ZNF254: variants seen among roughly 807,000 people sequenced by gnomAD.
ZNF254 encodes the protein zinc finger protein 254.
A neutral mutation model predicts 12.4 loss-of-function variants in ZNF254; 10 were observed. That is an observed-to-expected ratio of 0.80 (90% CI 0.50 to 1.36). ZNF254 has a LOEUF of 1.36. ZNF254 is among the 40% of genes most tolerant of loss of function. The probability of loss-of-function intolerance (pLI) is 0.00; values close to 1 mark genes in which losing one functional copy is unlikely to be tolerated. For missense variants in ZNF254, 996 were observed against 763.9 expected (o/e 1.30, Z -3.58); for synonymous variants, 305 against 253.4 (o/e 1.20, Z -1.93).
intron 2 of ZNF254, among the ~76,000 whole-genome samples, chr19:24,064,244 C>T (rs903676445): frequency 3.3e-5 from 5 of 152,110 alleles, no homozygotes. Context: ...AAAGCTGAGC[C>T]CAGCTCCTAG....
chr19:24,046,098 G>A (rs1028308451), intron 1 of ZNF254: 11 of 151,896 alleles, frequency 7.2e-5, no homozygotes, highest in Admixed American at 7.2e-4. Context: ...CTTATATAAT[G>A]TCCCCTTTTC....
intron 2 of ZNF254, among the ~76,000 whole-genome samples, chr19:24,067,203 A>T (rs539637055): frequency 1.6e-4 from 24 of 151,840 alleles, no homozygotes; most frequent in Non-Finnish European, 2.8e-4. Context: ...CAACTATTTT[A>T]TGTGACTCTC....
At chr19:24,067,451 C>T (rs1002970602) in intron 2 of ZNF254, among the ~76,000 whole-genome samples, 67 of 152,058 alleles carry the variant, frequency 4.4e-4, no homozygotes, top group African/African-American at 1.6e-3. Context: ...TATCGCTGGG[C>T]CCAGCACATA....
chr19:24,118,063 T>G (rs562601827), intron 3 of ZNF254, among the ~76,000 whole-genome samples: 2 of 151,670 alleles, frequency 1.3e-5, no homozygotes, highest in Non-Finnish European at 2.9e-5. Context: ...TTTTCTTTTT[T>G]TTTTTTTGAA....
At chr19:24,051,857 G>C (rs1970660058) in intron 2 of ZNF254, among the ~76,000 whole-genome samples, 1 of 152,068 alleles carries the variant, frequency 6.6e-6, no homozygotes, top group Admixed American at 6.5e-5. Context: ...TCTGCGAACT[G>C]GGGTGTTTTT....
chr19:24,123,230 C>G (rs1187408476), intron 3 of ZNF254, among the ~76,000 whole-genome samples: 2 of 152,028 alleles, frequency 1.3e-5, no homozygotes, highest in African/African-American at 4.8e-5. Context: ...GTTTTTCTGT[C>G]TTATTGTTTT....
intron 1 of ZNF254, among the ~76,000 whole-genome samples, chr19:24,043,978 C>T (rs571970240): frequency 3.9e-5 from 6 of 152,154 alleles, no homozygotes; most frequent in East Asian, 1.9e-4. Flanking sequence ...TGGTGGCTCA[C>T]GCCTGTAATC....
At chr19:24,041,239 CA>C in intron 1 of ZNF254, among the ~76,000 whole-genome samples, 1 of 152,382 alleles carries the variant, frequency 6.6e-6, no homozygotes, top group Middle Eastern at 3.4e-3. Context: ...TCAGGCCCCC[CA>C]CTGCACTTGG....
chr19:24,049,235 TATTTATTA>T (rs1970554861), intron 2 of ZNF254, among the ~76,000 whole-genome samples: 4 of 131,180 alleles, frequency 3.0e-5, no homozygotes, highest in African/African-American at 8.7e-5. Flanking sequence ...TTTTTTAATT[TATTTATTA>T]TTTTTTAATA....
chr19:24,034,407 CT>C (rs1969880219), intron 1 of ZNF254, among the ~76,000 whole-genome samples: 1 of 149,048 alleles, frequency 6.7e-6, no homozygotes, highest in Non-Finnish European at 1.5e-5. Flanking sequence ...GGTTGGGAGG[CT>C]TTTTCTGGGA....
In ZNF254 at chr19:24,127,164, G is replaced by A. The variant is rs1974926173; in HGVS notation, c.1164G>A (p.Lys388=). 2 of 1,612,522 alleles carry A rather than the reference G, an allele frequency of 1.2e-6. No homozygotes were observed. Among genetic ancestry groups the A allele is most frequent in the Non-Finnish European group, 1.7e-6 (2 of 1,179,604 alleles). ...GCTTAGAATGTGGCAAAGCTTTTAA[G>A]CAACTCTCAACTCTTACTACACATA... ...YKCLECGKAF[K]QLSTLTTHKI... Residue 388 remains lysine, a synonymous_variant, in exon 4 of 4, where the codon AAG becomes AAA. Transcript: ENST00000357002.
chr19:24,103,982 C>T (rs1024885497), intron 1 of ZNF254: 2 of 152,400 alleles, frequency 1.3e-5, no homozygotes, highest in Non-Finnish European at 2.9e-5. Context: ...GCCTTGGCCT[C>T]CCAAAGTGTT....
At chr19:24,046,822 C>T (rs1027910020) in intron 2 of ZNF254, among the ~76,000 whole-genome samples, 9 of 151,498 alleles carry the variant, frequency 5.9e-5, no homozygotes, top group South Asian at 4.2e-4. Context: ...TTCTCTGCCT[C>T]TCCTTTTTTA....
chr19:24,046,371 T>TATATTTATATATATATTTATATATATA (rs1970381916), intron 2 of ZNF254: 3 of 51,392 alleles, frequency 5.8e-5, no homozygotes, highest in African/African-American at 2.4e-4. Flanking sequence ...TTTTATTATT[T>TATATTTATATATATATTTATATATATA]TTTATATATA....
At chr19:24,124,226 G>A (rs527622088) in intron 3 of ZNF254, among the ~76,000 whole-genome samples, 56 of 151,754 alleles carry the variant, frequency 3.7e-4, no homozygotes, top group African/African-American at 1.0e-3. Flanking sequence ...CTTAAGTTGC[G>A]TACAAAAATT....
At chr19:24,065,388 G>C (rs954327933) in intron 2 of ZNF254, 1 of 152,120 alleles carries the variant, frequency 6.6e-6, no homozygotes, top group African/African-American at 2.4e-5. Flanking sequence ...GGTGCATGCT[G>C]TCAGGGAAGA....
At chr19:24,088,268 T>A (rs1207932535) in intron 1 of ZNF254, among the ~76,000 whole-genome samples, 1 of 152,154 alleles carries the variant, frequency 6.6e-6, no homozygotes, top group Non-Finnish European at 1.5e-5. Context: ...AGAGCTTAAT[T>A]GTCAGCTTAT....
intron 2 of ZNF254, among the ~76,000 whole-genome samples, chr19:24,060,878 G>T (rs1971039135): frequency 6.6e-6 from 1 of 152,154 alleles, no homozygotes; most frequent in African/African-American, 2.4e-5. Context: ...CCTTGATTAT[G>T]TGACTCTCCT....
intron 2 of ZNF254, among the ~76,000 whole-genome samples, chr19:24,075,326 G>C (rs1213799636): frequency 6.6e-6 from 1 of 152,110 alleles, no homozygotes; most frequent in Non-Finnish European, 1.5e-5. Context: ...ATCTCTATCA[G>C]GGGAACCAGC....
Sources: gnomAD v4.1 joint callset for allele counts (sites outside exome capture counted in the v4.1 genomes callset) on GRCh38, gnomAD v4.1.1 for gene constraint, MANE v1.5 for transcripts, NCBI Gene and HGNC (gene_info 2026-07-23, HGNC 2026-07-21) for gene names.